NLGN1: variants seen among roughly 807,000 people sequenced by gnomAD.
The protein encoded by NLGN1 is neuroligin 1.
Under a neutral mutation model 65.5 loss-of-function variants are expected in NLGN1, and 12 were observed. The observed-to-expected ratio is 0.18, with a 90% CI of 0.12 to 0.30. The LOEUF (loss-of-function observed/expected upper bound fraction) is 0.30, where lower values mean the gene tolerates loss of function less well. Ranked by LOEUF, NLGN1 falls within the 10% of genes least tolerant of loss-of-function variation. NLGN1 has a pLI of 1.00. For synonymous variants in NLGN1, 350 were observed against 359.5 expected (o/e 0.97, Z 0.30); for missense variants, 750 against 1,007.1 (o/e 0.74, Z 3.46).
chr3:174,112,104 C>G (rs572701993), intron 4 of NLGN1, among the ~76,000 whole-genome samples: 4 of 151,698 alleles, frequency 2.6e-5, no homozygotes, highest in African/African-American at 9.7e-5. Context: ...TGAATAATTA[C>G]CAAATTAATA....
At chr3:173,521,575 C>CT (rs879888619) in intron 2 of NLGN1, among the ~76,000 whole-genome samples, 4 of 152,276 alleles carry the variant, frequency 2.6e-5, no homozygotes, top group Admixed American at 6.5e-5. Flanking sequence ...AATTCTGAGC[C>CT]TTTTTTCTGA....
chr3:174,022,479 C>T (rs1374756024), intron 4 of NLGN1, among the ~76,000 whole-genome samples: 2 of 152,076 alleles, frequency 1.3e-5, no homozygotes, highest in Non-Finnish European at 2.9e-5. Context: ...ATAATGGTGA[C>T]TCCGGAAAGG....
intron 4 of NLGN1, among the ~76,000 whole-genome samples, chr3:173,857,031 A>G (rs1160549198): frequency 1.3e-5 from 2 of 151,984 alleles, no homozygotes; most frequent in Admixed American, 1.3e-4. Context: ...AAAAAAAAAA[A>G]AAAGAGGCAT....
rs1333127471 is a variant in NLGN1, at chr3:174,170,247, T to C, written c.647-105068T>C. On this transcript the variant is annotated intron_variant, in intron 4 of 6. Transcript: ENST00000457714. ...AAAAAAAAAAAACTTTTAAGTTTTGTTCAATTAGTCCATCAAACATTTCCC... is the reference window on the plus strand; with the variant it reads ...AAAAAAAAAAAACTTTTAAGTTTTGCTCAATTAGTCCATCAAACATTTCCC... 3.3e-5 allele frequency among the ~76,000 whole-genome samples: 5 copies of C among 152,282 alleles called. No homozygotes were observed. The East Asian group carries it at 9.6e-4, about 29-fold the overall frequency.
chr3:173,776,057 C>A (rs1780255601), intron 3 of NLGN1, among the ~76,000 whole-genome samples: 1 of 152,046 alleles, frequency 6.6e-6, no homozygotes, highest in Non-Finnish European at 1.5e-5. Context: ...TATAGATTCT[C>A]TTTCCTTCAT....
intron 1 of NLGN1, among the ~76,000 whole-genome samples, chr3:173,398,919 A>G (rs376056543): frequency 2.6e-5 from 4 of 152,350 alleles, no homozygotes; most frequent in African/African-American, 7.2e-5. Context: ...TAATAGGATC[A>G]TAGATATTAA....
chr3:173,570,953 C>T (rs1468686500), intron 2 of NLGN1, among the ~76,000 whole-genome samples: 6 of 152,246 alleles, frequency 3.9e-5, no homozygotes, highest in East Asian at 3.9e-4. Flanking sequence ...CCACCCGTCT[C>T]GGCCTCTCAA....
chr3:173,447,239 G>GTA (rs1198604436), intron 2 of NLGN1, among the ~76,000 whole-genome samples: 2 of 152,160 alleles, frequency 1.3e-5, no homozygotes, highest in Non-Finnish European at 2.9e-5. Context: ...ATTAATTTTT[G>GTA]TATAAGGTGT....
chr3:173,707,086 G>A (rs548488232), intron 3 of NLGN1, among the ~76,000 whole-genome samples: 4 of 152,136 alleles, frequency 2.6e-5, no homozygotes, highest in African/African-American at 7.2e-5. Context: ...TGACTTAGGC[G>A]TATGTCAGCT....
intron 4 of NLGN1, among the ~76,000 whole-genome samples, chr3:174,257,095 A>C (rs1422229475): frequency 6.6e-6 from 1 of 152,142 alleles, no homozygotes; most frequent in Non-Finnish European, 1.5e-5. Flanking sequence ...AGTAGGCAAA[A>C]GACATGAACA....
intron 2 of NLGN1, among the ~76,000 whole-genome samples, chr3:173,463,928 TG>T: frequency 6.6e-6 from 1 of 152,036 alleles, no homozygotes; most frequent in East Asian, 1.9e-4. Flanking sequence ...AAAGATAAAT[TG>T]ATACATAAAT....
intron 4 of NLGN1, among the ~76,000 whole-genome samples, chr3:174,115,394 A>G (rs1475200406): frequency 6.6e-6 from 1 of 152,186 alleles, no homozygotes; most frequent in Non-Finnish European, 1.5e-5. Flanking sequence ...ATTCGATCTC[A>G]GCTGTTATTT....
At chr3:174,194,460 GAA>G (rs1184485395) in intron 4 of NLGN1, among the ~76,000 whole-genome samples, 1 of 149,044 alleles carries the variant, frequency 6.7e-6, no homozygotes, top group Non-Finnish European at 1.5e-5. Flanking sequence ...AAAAAAAAAA[GAA>G]AAAGAAAAAA....
intron 4 of NLGN1, among the ~76,000 whole-genome samples, chr3:174,081,595 TTG>T (rs1284092123): frequency 4.7e-4 from 58 of 122,138 alleles, no homozygotes; most frequent in African/African-American, 1.9e-3. Flanking sequence ...AGTGATTAGG[TTG>T]TTTTTTTTTT....
At chr3:173,950,459 G>A (rs973176033) in intron 4 of NLGN1, among the ~76,000 whole-genome samples, 8 of 152,274 alleles carry the variant, frequency 5.3e-5, no homozygotes, top group African/African-American at 9.6e-5. Flanking sequence ...TAACAAATAC[G>A]TATGTTTATG....
At chr3:174,260,692 G>C (rs1403018760) in intron 4 of NLGN1, among the ~76,000 whole-genome samples, 1 of 145,284 alleles carries the variant, frequency 6.9e-6, no homozygotes, top group African/African-American at 2.6e-5. Context: ...AGTTTAATTA[G>C]ATCCCATTTG....
intron 2 of NLGN1, among the ~76,000 whole-genome samples, chr3:173,532,496 A>T (rs1736745386): frequency 6.6e-6 from 1 of 152,152 alleles, no homozygotes; most frequent in Non-Finnish European, 1.5e-5. Flanking sequence ...AGAATTTACC[A>T]ACTCCTTCCT....
chr3:173,981,998 G>GA (rs1394699722), intron 4 of NLGN1, among the ~76,000 whole-genome samples: 6 of 151,770 alleles, frequency 4.0e-5, no homozygotes, highest in Non-Finnish European at 8.8e-5. Context: ...TGTCACATTT[G>GA]AAAAAAATCT....
At chr3:174,158,991 G>A (rs1037515626) in intron 4 of NLGN1, among the ~76,000 whole-genome samples, 6 of 151,348 alleles carry the variant, frequency 4.0e-5, no homozygotes, top group Admixed American at 1.3e-4. Flanking sequence ...TGCAGTCTTC[G>A]AGATGTACAA....
Sources: allele counts gnomAD v4.1 joint callset (sites outside exome capture counted in the v4.1 genomes callset), GRCh38; gene constraint gnomAD v4.1.1; transcripts MANE v1.5; gene names NCBI Gene and HGNC (gene_info 2026-07-23, HGNC 2026-07-21).